The following PRELID2 variants were observed in gnomAD, a reference collection of about 807,000 sequenced individuals.
PRELID2 encodes PRELI domain-containing protein 2.
A neutral mutation model predicts 28.4 loss-of-function variants in PRELID2; 25 were observed. That is an observed-to-expected ratio of 0.88 (90% CI 0.64 to 1.23). The LOEUF (loss-of-function observed/expected upper bound fraction) is 1.23, where lower values mean the gene tolerates loss of function less well. Ranked by LOEUF, PRELID2 falls within the 50% of genes most tolerant of loss-of-function variation. The pLI is 0.00. For missense variants in PRELID2, 201 were observed against 214.4 expected, an observed-to-expected ratio of 0.94 and a Z score of 0.39; for synonymous variants, 76 against 71.6, an observed-to-expected ratio of 1.06 and a Z score of -0.31.
chr5:145,565,497 A>G (rs1271915652), intron 1 of PRELID2, among the ~76,000 whole-genome samples: 2 of 152,262 alleles, frequency 1.3e-5, no homozygotes, highest in Non-Finnish European at 2.9e-5. Flanking sequence ...TTAACCTCAC[A>G]TGGATTGCAG....
chr5:145,291,417 A>G, the PRELID2 span, among the ~76,000 whole-genome samples: 59 of 150,372 alleles, frequency 3.9e-4, 1 homozygote, highest in Middle Eastern at 7.0e-3. Flanking sequence ...CTGGAGGCAG[A>G]GATTGGAGTG....
chr5:145,754,669 A>T (rs2149754546), downstream of PRELID2, among the ~76,000 whole-genome samples: 1 of 152,332 alleles, frequency 6.6e-6, no homozygotes, highest in African/African-American at 2.4e-5. Flanking sequence ...AAACAAAAAC[A>T]TCAAATCTAT....
intron 1 of PRELID2, among the ~76,000 whole-genome samples, chr5:145,495,409 C>T (rs963537728): frequency 6.6e-6 from 1 of 152,172 alleles, no homozygotes; most frequent in African/African-American, 2.4e-5. Context: ...TTTAGTCAAT[C>T]CAAGCTTTCT....
the PRELID2 span, among the ~76,000 whole-genome samples, chr5:145,311,743 G>T: frequency 6.6e-6 from 1 of 152,052 alleles, no homozygotes; most frequent in African/African-American, 2.4e-5. Flanking sequence ...TTACTAGCAG[G>T]TGCTACATGA....
chr5:145,698,955 G>A (rs544577851), intron 1 of PRELID2, among the ~76,000 whole-genome samples: 1 of 152,280 alleles, frequency 6.6e-6, no homozygotes, highest in African/African-American at 2.4e-5. Context: ...TCGAACTCCT[G>A]ACCTCAGGTG....
Position 145,474,488 on chromosome 5 carries a change from G to A in PRELID2, n.71-1173C>T, listed in dbSNP as rs541689499. Reference sequence around the variant, plus strand: ...TAGCCATGATGACAGTCATTTGGCAGCCCTGCAAATCATTGAAGAGTTCTG... The same window carrying A: ...TAGCCATGATGACAGTCATTTGGCAACCCTGCAAATCATTGAAGAGTTCTG... On this transcript the variant is annotated intron_variant and non_coding_transcript_variant, in intron 1 of 2. Coordinates refer to the PRELID2 transcript ENST00000510259. Among the ~76,000 whole-genome samples, 10 of 152,300 alleles carry A rather than the reference G, an allele frequency of 6.6e-5. No homozygotes were observed. The South Asian group carries it at 2.1e-3, about 32-fold the overall frequency.
chr5:145,385,374 G>A, the PRELID2 span, among the ~76,000 whole-genome samples: 1 of 151,998 alleles, frequency 6.6e-6, no homozygotes, highest in African/African-American at 2.4e-5. Context: ...AAAATTTTTT[G>A]TCCTTCCATA....
the PRELID2 span, among the ~76,000 whole-genome samples, chr5:145,233,752 C>G: frequency 6.6e-6 from 1 of 152,144 alleles, no homozygotes; most frequent in Non-Finnish European, 1.5e-5. Flanking sequence ...AGTATCACCC[C>G]CTACTGAGTA....
intron 1 of PRELID2, among the ~76,000 whole-genome samples, chr5:145,648,628 T>TC (rs143575590): frequency 0.072 from 10,857 of 151,190 alleles, 996 homozygotes; most frequent in African/African-American, 0.21. Flanking sequence ...GTTTAGGCGG[T>TC]TTTTTTGTAT....
chr5:145,333,057 T>C, the PRELID2 span, among the ~76,000 whole-genome samples: 1 of 152,188 alleles, frequency 6.6e-6, no homozygotes, highest in Non-Finnish European at 1.5e-5. Flanking sequence ...GTTTGCTGGA[T>C]GTCGACTCCA....
chr5:145,316,812 A>C, the PRELID2 span, among the ~76,000 whole-genome samples: 1 of 152,214 alleles, frequency 6.6e-6, no homozygotes, highest in African/African-American at 2.4e-5. Flanking sequence ...AGAGTTCTGC[A>C]AAAGCCACCA....
intron 1 of PRELID2, among the ~76,000 whole-genome samples, chr5:145,748,839 C>T (rs1352101576): frequency 1.3e-5 from 2 of 151,998 alleles, no homozygotes; most frequent in Non-Finnish European, 2.9e-5. Flanking sequence ...CAACCATCTG[C>T]CCTTTGACAA....
intron 1 of PRELID2, among the ~76,000 whole-genome samples, chr5:145,717,580 A>G (rs907764720): frequency 6.6e-6 from 1 of 151,918 alleles, no homozygotes; most frequent in Non-Finnish European, 1.5e-5. Flanking sequence ...AAGACAATAA[A>G]GGGAGTTTCT....
At position 145,475,158 on chromosome 5, in the gene PRELID2, C is replaced by T. The variant is rs183195969; in HGVS notation, n.71-1843G>A. Among the ~76,000 whole-genome samples the T allele has an allele frequency of 2.4e-3, 364 of 152,216 alleles. 1 individual carries two copies. The highest frequency in any genetic ancestry group is 8.0e-3 in the African/African-American group (334 of 41,542). ...AGTAGAGTGGCTGGCATATTGCAGG[C>T]ACTTTACGAACACTTGTTGAATGAA... On this transcript the variant is annotated intron_variant and non_coding_transcript_variant, in intron 1 of 2. Transcript: ENST00000510259.
At chr5:145,496,349 A>G (rs187055370) in intron 1 of PRELID2, among the ~76,000 whole-genome samples, 1 of 152,316 alleles carries the variant, frequency 6.6e-6, no homozygotes, top group East Asian at 1.9e-4. Context: ...GACAAGAGAT[A>G]TAAACTTGTA....
the PRELID2 span, among the ~76,000 whole-genome samples, chr5:145,349,494 A>AT: frequency 0.011 from 1,575 of 149,528 alleles, 24 homozygotes; most frequent in African/African-American, 0.035. Context: ...ATATGACTTC[A>AT]TTTTTTTTTT....
chr5:145,737,378 A>C (rs1368343), intron 1 of PRELID2, among the ~76,000 whole-genome samples: 123,750 of 151,602 alleles, frequency 0.82, 50,958 homozygotes, highest in East Asian at 0.88. Context: ...ATTTCAACTT[A>C]CAAAAAGTCA....
the PRELID2 span, among the ~76,000 whole-genome samples, chr5:145,270,408 CT>C: frequency 1.3e-5 from 2 of 152,056 alleles, no homozygotes; most frequent in Non-Finnish European, 2.9e-5. Flanking sequence ...AAAAGGAACA[CT>C]TTTTACATAA....
rs558679894 is a variant in PRELID2 at position 145,550,151 on chromosome 5, A to T, written n.71-76836T>A. On this transcript the variant is annotated intron_variant and non_coding_transcript_variant, in intron 1 of 2. Transcript: ENST00000510259. Reference sequence around the variant, plus strand: ...CAAATTACTGCTGAAGAAGGGAAGAAAGAAGGAGGGGATGAGAATGAACCC... The same window carrying T: ...CAAATTACTGCTGAAGAAGGGAAGATAGAAGGAGGGGATGAGAATGAACCC... 9.0e-4 allele frequency among the ~76,000 whole-genome samples: 137 copies of T among 152,310 alleles called. 1 individual carries two copies. The highest frequency in any genetic ancestry group is 2.0e-3 in the Admixed American group (31 of 15,298).
Sources: allele counts gnomAD v4.1 joint callset (sites outside exome capture counted in the v4.1 genomes callset), GRCh38; gene constraint gnomAD v4.1.1; transcripts MANE v1.5; gene names NCBI Gene and HGNC (gene_info 2026-07-23, HGNC 2026-07-21).